The following DIAPH2 variants were observed in gnomAD, a reference collection of about 807,000 sequenced individuals.
DIAPH2 encodes diaphanous related formin 2, also known as protein diaphanous homolog 2.
In DIAPH2, 35 loss-of-function variants were observed where a neutral mutation model predicts 92.7. The ratio of observed to expected loss-of-function variants is 0.38; its 90% CI spans 0.29 to 0.50. DIAPH2 has a LOEUF of 0.50. Among genes scored for constraint, DIAPH2 ranks in the 20% least tolerant of loss-of-function variants. The pLI is 0.94. For missense variants in DIAPH2, 701 were observed against 819.5 expected (o/e 0.86, Z 1.77); for synonymous variants, 301 against 280.4 (o/e 1.07, Z -0.73).
chrX:97,224,235 T>G (rs2067948521), intron 22 of DIAPH2, among the ~76,000 whole-genome samples: 1 of 111,893 alleles, frequency 8.9e-6, no homozygotes, highest in Non-Finnish European at 1.9e-5. Context: ...TGCTTCATCT[T>G]TTTACGCTTT....
intron 4 of DIAPH2, among the ~76,000 whole-genome samples, chrX:96,809,274 A>C (rs1380016673): frequency 1.8e-5 from 2 of 109,449 alleles, no homozygotes; most frequent in Non-Finnish European, 3.8e-5. Context: ...TCAAAGTACA[A>C]ATAAATCAAT....
chrX:97,555,271 T>C (rs2071249490), intron 26 of DIAPH2, among the ~76,000 whole-genome samples: 1 of 112,379 alleles, frequency 8.9e-6, no homozygotes. Flanking sequence ...GTTCTATTGC[T>C]TCATTATGGT....
chrX:97,237,561 G>A (rs1463866955), intron 22 of DIAPH2, among the ~76,000 whole-genome samples: 2 of 107,451 alleles, frequency 1.9e-5, no homozygotes, highest in Non-Finnish European at 3.8e-5. Context: ...TTTTTAAAAA[G>A]ATTTTTCTTT....
At chrX:97,185,472 C>CATAT (rs2067590241) in intron 22 of DIAPH2, among the ~76,000 whole-genome samples, 1 of 7,179 alleles carries the variant, frequency 1.4e-4, no homozygotes, top group Admixed American at 3.2e-3. Context: ...TATATATATA[C>CATAT]ACATATATAT....
intron 23 of DIAPH2, among the ~76,000 whole-genome samples, chrX:97,257,690 T>C (rs1309328670): frequency 9.0e-6 from 1 of 111,622 alleles, no homozygotes; most frequent in Admixed American, 9.6e-5. Flanking sequence ...TGGGTATCCA[T>C]TGAGTTAAGC....
intron 4 of DIAPH2, among the ~76,000 whole-genome samples, chrX:96,774,117 C>T: frequency 9.0e-6 from 1 of 111,434 alleles, no homozygotes; most frequent in Non-Finnish European, 1.9e-5. Flanking sequence ...GAATTATCAC[C>T]CCCATTTTAT....
intron 4 of DIAPH2, among the ~76,000 whole-genome samples, chrX:96,862,480 C>T (rs2065078286): frequency 9.0e-6 from 1 of 111,588 alleles, no homozygotes; most frequent in Admixed American, 9.5e-5. Flanking sequence ...CTTCATTTGT[C>T]TCTGTTTTAC....
rs1283818963 is a variant in DIAPH2 at position 96,684,976 on chromosome X, C to CGGGGCAGTGTGAGCG, written c.-82_-68dup. 1 of 925,640 alleles carries CGGGGCAGTGTGAGCG rather than the reference C, an allele frequency of 1.1e-6. No homozygotes were observed. Among genetic ancestry groups the CGGGGCAGTGTGAGCG allele is most frequent in the Admixed American group, 5.9e-5 (1 of 16,888 alleles). 76.3% of individuals were successfully genotyped at this position (925,640 alleles called of 1,213,427 possible). On this transcript the variant is annotated 5_prime_UTR_variant, in exon 1 of 27. Coordinates refer to ENST00000324765, the MANE Select transcript of DIAPH2 (RefSeq NM_006729.5). ...AGGAAGAGGTGCCGCCGAGTCAGCG[C>CGGGGCAGTGTGAGCG]GGGGCAGTGTGAGCGCCCCGAGGTG...
chrX:97,176,671 G>T (rs1037592545), intron 22 of DIAPH2, among the ~76,000 whole-genome samples: 7 of 111,079 alleles, frequency 6.3e-5, no homozygotes, highest in African/African-American at 2.3e-4. Context: ...GGGACTACAG[G>T]CACCTGCCAC....
At chrX:97,298,129 A>G (rs2147622253) in intron 23 of DIAPH2, among the ~76,000 whole-genome samples, 1 of 109,313 alleles carries the variant, frequency 9.1e-6, no homozygotes, top group Admixed American at 1.0e-4. Context: ...TCTGATTGCT[A>G]CCTTAACTAA....
intron 3 of DIAPH2, among the ~76,000 whole-genome samples, chrX:96,749,145 A>AAAAAT (rs1252042191): frequency 9.3e-4 from 74 of 79,802 alleles, no homozygotes; most frequent in African/African-American, 3.6e-3. Context: ...AAAAAAAAAA[A>AAAAAT]ATATATATAT....
At chrX:97,212,454 G>A (rs1057501096) in intron 22 of DIAPH2, among the ~76,000 whole-genome samples, 2 of 111,107 alleles carry the variant, frequency 1.8e-5, no homozygotes, top group African/African-American at 6.5e-5. Context: ...TGCAATGCCT[G>A]ATTTTGGTTC....
At chrX:97,266,903 A>G (rs1261188539) in intron 23 of DIAPH2, among the ~76,000 whole-genome samples, 1 of 111,627 alleles carries the variant, frequency 9.0e-6, no homozygotes, top group Non-Finnish European at 1.9e-5. Context: ...AACAGGGTAC[A>G]TGAAATGTGA....
At chrX:97,532,770 A>G (rs1381049555) in intron 26 of DIAPH2, among the ~76,000 whole-genome samples, 1 of 111,968 alleles carries the variant, frequency 8.9e-6, no homozygotes, top group Admixed American at 9.5e-5. Context: ...TTAACATAAA[A>G]TAAAACCCAT....
rs1000855350 is a variant in DIAPH2 at position 97,154,995 on chromosome X, C to T, written c.2719+13201C>T. Among the ~76,000 whole-genome samples, 8 of 111,691 alleles carry T rather than the reference C, an allele frequency of 7.2e-5. No homozygotes were observed. The Admixed American group carries it at 7.6e-4, about 11-fold the overall frequency. On this transcript the variant is annotated intron_variant, in intron 22 of 26. Coordinates refer to ENST00000324765, the MANE Select transcript of DIAPH2 (RefSeq NM_006729.5). Reference sequence around the variant, plus strand: ...ATTTTCGTAGGAAAAACATTCCAAACGTATTTAGCCTCACCAGTAATGGAA... The same window carrying T: ...ATTTTCGTAGGAAAAACATTCCAAATGTATTTAGCCTCACCAGTAATGGAA...
intron 4 of DIAPH2, among the ~76,000 whole-genome samples, chrX:96,764,044 G>A (rs768319668): frequency 2.0e-4 from 22 of 108,277 alleles, no homozygotes; most frequent in East Asian, 2.9e-4. Flanking sequence ...TTTAAAAATC[G>A]AATATTTATT....
chrX:97,488,153 CTAGT>C (rs2070701902), intron 26 of DIAPH2, among the ~76,000 whole-genome samples: 1 of 111,412 alleles, frequency 9.0e-6, no homozygotes, highest in African/African-American at 3.3e-5. Flanking sequence ...ACCACCATGC[CTAGT>C]TAATTTTGTA....
intron 26 of DIAPH2, among the ~76,000 whole-genome samples, chrX:97,444,067 C>T (rs1384132094): frequency 9.0e-6 from 1 of 111,690 alleles, no homozygotes; most frequent in Admixed American, 9.5e-5. Context: ...AAGAATAGAT[C>T]TTTCTCGTTT....
intron 3 of DIAPH2, among the ~76,000 whole-genome samples, chrX:96,748,685 A>T (rs1014829903): frequency 5.4e-5 from 6 of 111,517 alleles, no homozygotes; most frequent in African/African-American, 2.0e-4. Context: ...GGAGTTATAA[A>T]AGAAAAGGAA....
Sources: gnomAD v4.1 joint callset for allele counts (sites outside exome capture counted in the v4.1 genomes callset) on GRCh38, gnomAD v4.1.1 for gene constraint, MANE v1.5 for transcripts, NCBI Gene and HGNC (gene_info 2026-07-23, HGNC 2026-07-21) for gene names.